The following FUT9 variants were observed in gnomAD, a reference collection of about 807,000 sequenced individuals.
FUT9 encodes the protein 4-galactosyl-N-acetylglucosaminide 3-alpha-L-fucosyltransferase 9.
FUT9 carries 15 observed loss-of-function variants against 29.7 expected under a neutral mutation model. The ratio of observed to expected loss-of-function variants is 0.51; its 90% CI spans 0.34 to 0.78. The LOEUF is 0.78. FUT9 is among the 30% of genes least tolerant of loss of function. The probability of loss-of-function intolerance (pLI) is 0.01; values close to 1 mark genes in which losing one functional copy is unlikely to be tolerated. For missense variants in FUT9, 319 were observed against 425.4 expected (o/e 0.75, Z 2.20); for synonymous variants, 169 against 153.7 (o/e 1.10, Z -0.74).
chr6:96,079,496 A>G (rs1771199710), intron 1 of FUT9, among the ~76,000 whole-genome samples: 1 of 152,142 alleles, frequency 6.6e-6, no homozygotes. Context: ...AAGACATATT[A>G]TTCCTTTACA....
intron 1 of FUT9, among the ~76,000 whole-genome samples, chr6:96,039,783 C>T (rs41497951): frequency 0.034 from 5,221 of 152,234 alleles, 110 homozygotes; most frequent in East Asian, 0.082. Flanking sequence ...TCTCCTTCAT[C>T]TACAAGAGTC....
chr6:96,145,310 C>G (rs1268131794), intron 2 of FUT9, among the ~76,000 whole-genome samples: 1 of 152,146 alleles, frequency 6.6e-6, no homozygotes, highest in Non-Finnish European at 1.5e-5. Context: ...CCCGCCTCGG[C>G]CTCCCAAAGT....
intron 2 of FUT9, among the ~76,000 whole-genome samples, chr6:96,140,086 C>T (rs2127972785): frequency 6.6e-6 from 1 of 152,266 alleles, no homozygotes; most frequent in Non-Finnish European, 1.5e-5. Flanking sequence ...TTTCTTCCTC[C>T]AGATACCCTA....
chr6:96,211,948 G>C lies in FUT9; in HGVS notation c.*7713G>C, dbSNP rs190374221. ...TGTAAGTAAAGTAAGTTAAGTTATA[G>C]CTTGCTGGAATTTTATTGTGGAAAA... On this transcript the variant is annotated 3_prime_UTR_variant, in exon 3 of 3. Coordinates refer to ENST00000302103, the MANE Select transcript of FUT9 (RefSeq NM_006581.4). The C allele has an allele frequency of 6.4e-4, 260 of 408,716 alleles. 1 individual carries two copies. Among genetic ancestry groups the C allele is most frequent in the African/African-American group, 5.0e-3 (241 of 48,626 alleles). 25.3% of individuals were successfully genotyped at this position (408,716 alleles called of 1,614,324 possible).
chr6:96,156,394 G>A (rs1436849691), intron 2 of FUT9, among the ~76,000 whole-genome samples: 5 of 152,218 alleles, frequency 3.3e-5, no homozygotes, highest in Admixed American at 6.5e-5. Flanking sequence ...AATCAGGCAC[G>A]TGGACACTCG....
At chr6:96,084,013 T>TTAGG (rs1173363991) in intron 1 of FUT9, among the ~76,000 whole-genome samples, 1 of 152,060 alleles carries the variant, frequency 6.6e-6, no homozygotes, top group African/African-American at 2.4e-5. Context: ...ACTCCCTGAG[T>TTAGG]TAGGTCTTAA....
At chr6:96,127,211 C>T (rs765662583) in intron 2 of FUT9, among the ~76,000 whole-genome samples, 4 of 152,240 alleles carry the variant, frequency 2.6e-5, no homozygotes, top group Non-Finnish European at 4.4e-5. Context: ...AAGTAGGCCC[C>T]AGTGGCTGGC....
intron 1 of FUT9, among the ~76,000 whole-genome samples, chr6:96,078,283 C>CATA (rs1771172655): frequency 1.3e-5 from 2 of 151,662 alleles, no homozygotes; most frequent in Non-Finnish European, 2.9e-5. Context: ...GCTCTGGCTT[C>CATA]ATATAATTCT....
At chr6:96,174,066 A>G (rs558452892) in intron 2 of FUT9, among the ~76,000 whole-genome samples, 3 of 152,138 alleles carry the variant, frequency 2.0e-5, no homozygotes, top group Non-Finnish European at 4.4e-5. Flanking sequence ...TGGTTGAGAC[A>G]GGAAATATGC....
intron 2 of FUT9, among the ~76,000 whole-genome samples, chr6:96,193,076 G>A (rs1250614408): frequency 6.6e-6 from 1 of 150,632 alleles, no homozygotes; most frequent in Non-Finnish European, 1.5e-5. Flanking sequence ...AGACTTAAAT[G>A]TTAGACCTAA....
chr6:96,202,497 A>G (rs191735944), intron 2 of FUT9, among the ~76,000 whole-genome samples: 2 of 152,260 alleles, frequency 1.3e-5, no homozygotes, highest in Admixed American at 1.3e-4. Flanking sequence ...AGAAAAATAT[A>G]TAAATAAAAA....
At chr6:96,171,859 C>G (rs1192899279) in intron 2 of FUT9, among the ~76,000 whole-genome samples, 2 of 152,098 alleles carry the variant, frequency 1.3e-5, no homozygotes, top group African/African-American at 4.8e-5. Flanking sequence ...ATCCTACCCG[C>G]ATCTTGAATT....
At chr6:96,144,089 G>A (rs1772519055) in intron 2 of FUT9, among the ~76,000 whole-genome samples, 1 of 152,066 alleles carries the variant, frequency 6.6e-6, no homozygotes, top group African/African-American at 2.4e-5. Context: ...ACTCTCTCTT[G>A]GATATGTTTT....
chr6:96,066,929 A>G (rs1353137350), intron 1 of FUT9, among the ~76,000 whole-genome samples: 1 of 152,002 alleles, frequency 6.6e-6, no homozygotes, highest in Non-Finnish European at 1.5e-5. Flanking sequence ...TTTAAAAATG[A>G]ACATCATGGA....
intron 2 of FUT9, among the ~76,000 whole-genome samples, chr6:96,142,384 G>A (rs1772480175): frequency 6.6e-6 from 1 of 152,170 alleles, no homozygotes. Context: ...CAGAGGTCTG[G>A]GCTATGTCAG....
At chr6:96,192,862 C>T (rs186324156) in intron 2 of FUT9, among the ~76,000 whole-genome samples, 24 of 151,922 alleles carry the variant, frequency 1.6e-4, no homozygotes, top group Non-Finnish European at 4.4e-5. Context: ...GAGATATAGA[C>T]CAATGGAATA....
intron 1 of FUT9, among the ~76,000 whole-genome samples, chr6:96,087,018 A>G (rs17056071): frequency 0.14 from 21,934 of 152,164 alleles, 1,811 homozygotes; most frequent in Admixed American, 0.25. Context: ...CATGGGGATC[A>G]GCAAGGAGAC....
intron 1 of FUT9, among the ~76,000 whole-genome samples, chr6:96,039,825 A>G (rs974800240): frequency 1.1e-4 from 16 of 152,278 alleles, no homozygotes; most frequent in African/African-American, 3.9e-4. Flanking sequence ...TAAGTTGTGT[A>G]GACGTAATGA....
At chr6:96,046,727 G>A (rs567242758) in intron 1 of FUT9, among the ~76,000 whole-genome samples, 3 of 152,196 alleles carry the variant, frequency 2.0e-5, no homozygotes, top group Non-Finnish European at 4.4e-5. Context: ...AACATGGCAA[G>A]TGATTAATGA....
Sources: gnomAD v4.1 joint callset for allele counts (sites outside exome capture counted in the v4.1 genomes callset) on GRCh38, gnomAD v4.1.1 for gene constraint, MANE v1.5 for transcripts, NCBI Gene and HGNC (gene_info 2026-07-23, HGNC 2026-07-21) for gene names.